The following WDR72 variants were observed in gnomAD, a reference collection of about 807,000 sequenced individuals.
WDR72 encodes the protein WD repeat domain 72.
A neutral mutation model predicts 124.2 loss-of-function variants in WDR72; 120 were observed. The observed-to-expected ratio is 0.97, with a 90% CI of 0.83 to 1.12. WDR72 has a LOEUF of 1.12. Ranked by LOEUF, WDR72 falls within the 50% of genes most tolerant of loss-of-function variation. The pLI is 0.00. For synonymous variants in WDR72, 452 were observed against 441.7 expected, an observed-to-expected ratio of 1.02 and a Z score of -0.29; for missense variants, 1,387 against 1,278.8, an observed-to-expected ratio of 1.08 and a Z score of -1.29.
chr15:53,668,935 G>GAGGAGGAGGCGC (rs2015877401), intron 13 of WDR72, among the ~76,000 whole-genome samples: 1 of 43,254 alleles, frequency 2.3e-5, no homozygotes, highest in Admixed American at 3.2e-4. Context: ...GAAGGAGGAG[G>GAGGAGGAGGCGC]AGGAGGAGGA....
intron 14 of WDR72, among the ~76,000 whole-genome samples, chr15:53,634,083 C>A (rs923159567): frequency 1.3e-5 from 2 of 152,154 alleles, no homozygotes; most frequent in Non-Finnish European, 2.9e-5. Flanking sequence ...AATGTGCCCT[C>A]CTGAGTAATT....
chr15:53,680,309 T>G (rs988187540), intron 13 of WDR72, among the ~76,000 whole-genome samples: 9 of 152,222 alleles, frequency 5.9e-5, no homozygotes, highest in Non-Finnish European at 1.2e-4. Flanking sequence ...TATGATTAGA[T>G]CATAATGTAC....
intron 9 of WDR72, among the ~76,000 whole-genome samples, chr15:53,707,647 C>T (rs943759498): frequency 2.0e-5 from 3 of 152,030 alleles, no homozygotes; most frequent in Non-Finnish European, 2.9e-5. Context: ...GGGGTTTCAC[C>T]GTGTTAGCCA....
chr15:53,523,877 A>G (rs1022223275), intron 18 of WDR72, among the ~76,000 whole-genome samples: 2 of 152,100 alleles, frequency 1.3e-5, no homozygotes, highest in South Asian at 4.1e-4. Context: ...GAAAGTTATA[A>G]TAAGAAGGGC....
At chr15:53,619,351 G>C (rs2013896626) in intron 14 of WDR72, among the ~76,000 whole-genome samples, 2 of 151,546 alleles carry the variant, frequency 1.3e-5, no homozygotes, top group African/African-American at 2.4e-5. Flanking sequence ...CTCTTTAAGA[G>C]AGGATTTTAG....
intron 13 of WDR72, among the ~76,000 whole-genome samples, chr15:53,680,426 G>C (rs1223435244): frequency 1.3e-5 from 2 of 152,126 alleles, no homozygotes; most frequent in Non-Finnish European, 2.9e-5. Flanking sequence ...AACTATCATG[G>C]TTGTAAGATA....
At chr15:53,520,956 T>C (rs1191892407) in intron 19 of WDR72, among the ~76,000 whole-genome samples, 3 of 152,052 alleles carry the variant, frequency 2.0e-5, no homozygotes, top group Non-Finnish European at 4.4e-5. Flanking sequence ...GTCAGAAGTG[T>C]CTTAATTTCT....
intron 14 of WDR72, among the ~76,000 whole-genome samples, chr15:53,637,422 C>T (rs2014665713): frequency 6.6e-6 from 1 of 152,162 alleles, no homozygotes; most frequent in Non-Finnish European, 1.5e-5. Context: ...CTAGGCTGCA[C>T]AGCACCACTG....
chr15:53,744,926 T>TTC (rs954167714), intron 1 of WDR72, among the ~76,000 whole-genome samples: 8 of 152,120 alleles, frequency 5.3e-5, no homozygotes, highest in African/African-American at 1.9e-4. Context: ...TCTCTTCATG[T>TTC]TCTACCAAAA....
rs368591355 is a variant in WDR72, at chr15:53,704,722, T to C, written c.1348+266A>G. Among the ~76,000 whole-genome samples the C allele has an allele frequency of 6.9e-4, 88 of 127,154 alleles. 1 individual carries two copies. Among genetic ancestry groups the C allele is most frequent in the East Asian group, 2.4e-3 (11 of 4,664 alleles). The allele number at this position is 127,154 out of a possible 152,430, so 83.4% of individuals were successfully genotyped here. Reference sequence around the variant, plus strand: ...TTTTTTTTTGTATTTTTAGTAGAAATGGGGTTTCACCGTGTTAGCCAGGAT... The same window carrying C: ...TTTTTTTTTGTATTTTTAGTAGAAACGGGGTTTCACCGTGTTAGCCAGGAT... On this transcript the variant is annotated intron_variant, in intron 11 of 19. Coordinates refer to ENST00000360509, the MANE Select transcript of WDR72 (RefSeq NM_182758.4).
At chr15:53,528,013 G>A (rs1394568711) in intron 18 of WDR72, among the ~76,000 whole-genome samples, 3 of 152,024 alleles carry the variant, frequency 2.0e-5, no homozygotes, top group Non-Finnish European at 4.4e-5. Context: ...TAAAATTCAG[G>A]TAGAAGAAAA....
At chr15:53,743,252 A>G (rs1440614804) in intron 1 of WDR72, among the ~76,000 whole-genome samples, 3 of 152,280 alleles carry the variant, frequency 2.0e-5, no homozygotes, top group African/African-American at 7.2e-5. Context: ...AGTGTTAAAA[A>G]GCTGATTTTT....
In WDR72 at chr15:53,732,905, T is replaced by C. The variant is rs2018242102; in HGVS notation, c.153+92A>G. The C allele has an allele frequency of 4.1e-6, 6 of 1,478,240 alleles. No individual in the cohort carries two copies. The East Asian group carries it at 9.0e-5, about 22-fold the overall frequency. The allele number at this position is 1,478,240 out of a possible 1,614,324, so 91.6% of individuals were successfully genotyped here. A position where few individuals can be genotyped will look rare whatever the true frequency, so the allele number is the denominator to read the frequency against. On this transcript the variant is annotated intron_variant, in intron 2 of 19. Coordinates refer to ENST00000360509, the MANE Select transcript of WDR72 (RefSeq NM_182758.4). The stretch of plus-strand genomic sequence containing the variant: ...TTAATAAACATCTTTTTAACAATCA[T>C]GCAAACCTTCCACTGTCATTGCAGA...
intron 13 of WDR72, among the ~76,000 whole-genome samples, chr15:53,678,460 C>T (rs2016255460): frequency 6.6e-6 from 1 of 152,132 alleles, no homozygotes; most frequent in Non-Finnish European, 1.5e-5. Flanking sequence ...GAACCATTTC[C>T]TTTTCCTTCT....
intron 18 of WDR72, among the ~76,000 whole-genome samples, chr15:53,541,413 C>T (rs1302784636): frequency 6.6e-6 from 1 of 151,708 alleles, no homozygotes; most frequent in Non-Finnish European, 1.5e-5. Flanking sequence ...GGTATTCCAA[C>T]AGACCTGCAG....
intron 1 of WDR72, among the ~76,000 whole-genome samples, chr15:53,734,978 T>C (rs1458103935): frequency 6.6e-6 from 1 of 152,090 alleles, no homozygotes; most frequent in Non-Finnish European, 1.5e-5. Context: ...TTTGAATATC[T>C]AAATTTTTTT....
chr15:53,713,468 T>C (rs556802132), intron 6 of WDR72, among the ~76,000 whole-genome samples: 1 of 24,402 alleles, frequency 4.1e-5, no homozygotes, highest in Non-Finnish European at 1.1e-4. Flanking sequence ...ATTTTTTCCT[T>C]GAGACACAGT....
At chr15:53,582,497 C>G (rs1003178887) in intron 18 of WDR72, among the ~76,000 whole-genome samples, 3 of 151,854 alleles carry the variant, frequency 2.0e-5, no homozygotes, top group African/African-American at 7.3e-5. Flanking sequence ...TTAAGGCATT[C>G]TCTGACAAAA....
chr15:53,572,547 G>A (rs1435814789), intron 18 of WDR72, among the ~76,000 whole-genome samples: 2 of 152,016 alleles, frequency 1.3e-5, no homozygotes, highest in South Asian at 2.1e-4. Context: ...GAACTGACTC[G>A]AAAAGCACAA....
Sources: gnomAD v4.1 joint callset for allele counts (sites outside exome capture counted in the v4.1 genomes callset) on GRCh38, gnomAD v4.1.1 for gene constraint, MANE v1.5 for transcripts, NCBI Gene and HGNC (gene_info 2026-07-23, HGNC 2026-07-21) for gene names.